NALF1: variants seen among roughly 807,000 people sequenced by gnomAD.
NALF1 encodes the protein NALCN channel auxiliary factor 1.
A neutral mutation model predicts 48.4 loss-of-function variants in NALF1; 3 were observed. The observed-to-expected ratio is 0.06, with a 90% CI of 0.03 to 0.16. The LOEUF (loss-of-function observed/expected upper bound fraction) is 0.16. Ranked by LOEUF, NALF1 falls within the 10% of genes least tolerant of loss-of-function variation. The pLI is 1.00. For missense variants in NALF1, 526 were observed against 571.5 expected, an observed-to-expected ratio of 0.92 and a Z score of 0.81; for synonymous variants, 262 against 245.7, an observed-to-expected ratio of 1.07 and a Z score of -0.62.
chr13:107,715,394 G>T (rs1393532510), intron 1 of NALF1, among the ~76,000 whole-genome samples: 1 of 152,028 alleles, frequency 6.6e-6, no homozygotes, highest in Non-Finnish European at 1.5e-5. Flanking sequence ...TAGAGACGGG[G>T]TTTCTCCATG....
At chr13:107,325,135 C>T (rs909601348) in intron 1 of NALF1, among the ~76,000 whole-genome samples, 8 of 152,136 alleles carry the variant, frequency 5.3e-5, no homozygotes, top group Non-Finnish European at 1.0e-4. Context: ...TTATTTTTCA[C>T]GTCCTAATAT....
In NALF1 at chr13:107,630,255, T is replaced by TA. The variant is rs1271556727; in HGVS notation, c.915+235426dup. Among the ~76,000 whole-genome samples the TA allele has an allele frequency of 3.3e-5, 5 of 152,200 alleles. No individual in the cohort carries two copies. The East Asian group carries it at 9.6e-4, about 29-fold the overall frequency. On this transcript the variant is annotated intron_variant, in intron 1 of 2. Transcript: ENST00000375915. ...TGAAACTTTGCTATCTGTCCACTCTTACCTCTGTCCAACTCTTTGAATCCA... is the reference window on the plus strand; with the variant it reads ...TGAAACTTTGCTATCTGTCCACTCTTAACCTCTGTCCAACTCTTTGAATCCA...
In NALF1 at chr13:107,262,769, G is replaced by GCTCTCTCTCTCTCTCTCT. The variant is rs1555329321; in HGVS notation, c.916-52032_916-52015dup. ...ATATTAAGTTGCATAACCCACAGGC[G>GCTCTCTCTCTCTCTCTCT]CTCTCTCTCTCTCTCTCTCTCTCTC... On this transcript the variant is annotated intron_variant, in intron 1 of 2. Coordinates refer to ENST00000375915, the MANE Select transcript of NALF1 (RefSeq NM_001080396.3). 1.7e-3 allele frequency among the ~76,000 whole-genome samples: 245 copies of GCTCTCTCTCTCTCTCTCT among 144,098 alleles called. 3 individuals carry two copies. Among genetic ancestry groups the GCTCTCTCTCTCTCTCTCT allele is most frequent in the South Asian group, 6.6e-3 (29 of 4,406 alleles). 94.5% of individuals were successfully genotyped at this position (144,098 alleles called of 152,430 possible). A position where few individuals can be genotyped will look rare whatever the true frequency, so the allele number is the denominator to read the frequency against.
At chr13:107,806,438 A>T (rs1028270872) in intron 1 of NALF1, among the ~76,000 whole-genome samples, 4 of 152,154 alleles carry the variant, frequency 2.6e-5, no homozygotes, top group African/African-American at 9.7e-5. Flanking sequence ...TTTTTTAAAA[A>T]GCCAATTACA....
At chr13:107,602,167 A>G (rs550700707) in intron 1 of NALF1, among the ~76,000 whole-genome samples, 1 of 152,172 alleles carries the variant, frequency 6.6e-6, no homozygotes, top group Non-Finnish European at 1.5e-5. Flanking sequence ...TAATGATCTT[A>G]TGTAATAAAT....
chr13:107,420,702 CTATT>C (rs1200355922), intron 1 of NALF1, among the ~76,000 whole-genome samples: 3 of 152,074 alleles, frequency 2.0e-5, no homozygotes, highest in African/African-American at 4.8e-5. Context: ...TATATGCTTT[CTATT>C]TATTTATTTA....
intron 1 of NALF1, among the ~76,000 whole-genome samples, chr13:107,464,845 G>T (rs1884975272): frequency 6.6e-6 from 1 of 152,078 alleles, no homozygotes; most frequent in Non-Finnish European, 1.5e-5. Flanking sequence ...AGACCATTTT[G>T]TTGAGGTATG....
intron 1 of NALF1, among the ~76,000 whole-genome samples, chr13:107,831,329 A>T (rs1879721623): frequency 6.6e-6 from 1 of 152,164 alleles, no homozygotes; most frequent in African/African-American, 2.4e-5. Flanking sequence ...AATCAATAAG[A>T]TTAAAACTCT....
chr13:107,406,197 T>C (rs1883896491), intron 1 of NALF1, among the ~76,000 whole-genome samples: 1 of 152,080 alleles, frequency 6.6e-6, no homozygotes, highest in South Asian at 2.1e-4. Context: ...TTTATGGCTA[T>C]CTTTAAAATT....
intron 1 of NALF1, among the ~76,000 whole-genome samples, chr13:107,601,032 A>C (rs1313421943): frequency 6.6e-6 from 1 of 152,148 alleles, no homozygotes. Flanking sequence ...GGTCTTCCTA[A>C]TCATGTGAAG....
intron 1 of NALF1, among the ~76,000 whole-genome samples, chr13:107,844,335 G>A (rs1353366898): frequency 2.6e-5 from 4 of 151,994 alleles, no homozygotes; most frequent in Admixed American, 6.6e-5. Context: ...AAACTGAAAA[G>A]CTGTCATTAT....
chr13:107,656,331 T>A (rs949316807), intron 1 of NALF1, among the ~76,000 whole-genome samples: 1 of 151,672 alleles, frequency 6.6e-6, no homozygotes, highest in Non-Finnish European at 1.5e-5. Context: ...AACAATCCCA[T>A]CAAAAAGTGA....
At chr13:107,253,970 G>C (rs370949779) in intron 1 of NALF1, among the ~76,000 whole-genome samples, 1 of 151,888 alleles carries the variant, frequency 6.6e-6, no homozygotes, top group Admixed American at 6.6e-5. Context: ...TAGAATATGA[G>C]CTTTATGATG....
intron 1 of NALF1, among the ~76,000 whole-genome samples, chr13:107,527,621 T>C (rs73596712): frequency 0.031 from 4,689 of 152,200 alleles, 257 homozygotes; most frequent in African/African-American, 0.11. Flanking sequence ...TATTGAATTG[T>C]AGCTCCCACA....
rs1442606983 is a variant in NALF1 at position 107,867,310 on chromosome 13, C to T, written c.-714G>A. ...CACCCCGCGCTCTAAGTGCTGCCGCCGCCGCCGCCGCCGCCGCCGCTGCCG... is the reference window on the plus strand; with the variant it reads ...CACCCCGCGCTCTAAGTGCTGCCGCTGCCGCCGCCGCCGCCGCCGCTGCCG... On this transcript the variant is annotated 5_prime_UTR_variant, in exon 1 of 3. Transcript: ENST00000375915. This position sits in a 1 kb window ranked among gnomAD's most constrained non-coding sequence, Gnocchi z 4.4. Among the ~76,000 whole-genome samples the T allele has an allele frequency of 1.4e-4, 9 of 64,080 alleles. No homozygotes were observed. The South Asian group carries it at 4.0e-3, about 29-fold the overall frequency. 42.0% of individuals were successfully genotyped at this position (64,080 alleles called of 152,430 possible).
At chr13:107,569,398 G>C (rs1009822376) in intron 1 of NALF1, among the ~76,000 whole-genome samples, 2 of 152,078 alleles carry the variant, frequency 1.3e-5, no homozygotes, top group African/African-American at 4.8e-5. Flanking sequence ...CGTGAACCCG[G>C]GGGGCGGAGC....
chr13:107,443,239 G>A (rs146558053), intron 1 of NALF1, among the ~76,000 whole-genome samples: 2 of 151,308 alleles, frequency 1.3e-5, no homozygotes, highest in Non-Finnish European at 1.5e-5. Flanking sequence ...AGTTTGAGAC[G>A]GAGTCTTGAT....
At chr13:107,412,067 A>G (rs1448300281) in intron 1 of NALF1, among the ~76,000 whole-genome samples, 1 of 152,204 alleles carries the variant, frequency 6.6e-6, no homozygotes, top group East Asian at 1.9e-4. Flanking sequence ...TCAGCTTATG[A>G]GTGTATGTTA....
chr13:107,637,187 T>G (rs1477836118), intron 1 of NALF1, among the ~76,000 whole-genome samples: 1 of 152,008 alleles, frequency 6.6e-6, no homozygotes, highest in African/African-American at 2.4e-5. Flanking sequence ...TAAGGATGTA[T>G]TTCTCAGAAC....
Sources: gnomAD v4.1 joint callset for allele counts (sites outside exome capture counted in the v4.1 genomes callset) on GRCh38, gnomAD v4.1.1 for gene constraint, Gnocchi (gnomAD v3.1) non-coding constraint, MANE v1.5 for transcripts, NCBI Gene and HGNC (gene_info 2026-07-23, HGNC 2026-07-21) for gene names.